The following GLRA3 variants were observed in gnomAD, a reference collection of about 807,000 sequenced individuals.
GLRA3 encodes glycine receptor alpha 3, also known as glycine receptor subunit alpha-3.
GLRA3 carries 44 observed loss-of-function variants against 60.4 expected under a neutral mutation model. The ratio of observed to expected loss-of-function variants is 0.73; its 90% confidence interval spans 0.57 to 0.94. GLRA3 has a LOEUF of 0.94. GLRA3 is among the 40% of genes least tolerant of loss of function. The pLI is 0.00. For missense variants in GLRA3, 508 were observed against 564.6 expected, an observed-to-expected ratio of 0.90 and a Z score of 1.02; for synonymous variants, 223 against 192.9, an observed-to-expected ratio of 1.16 and a Z score of -1.29.
chr4:174,779,225 G>T (rs917431281), intron 2 of GLRA3, among the ~76,000 whole-genome samples: 3 of 152,200 alleles, frequency 2.0e-5, no homozygotes, highest in African/African-American at 7.2e-5. Context: ...ACACGGCAGG[G>T]TACTCCAACA....
chr4:174,818,982 C>T (rs1740625014), intron 1 of GLRA3, among the ~76,000 whole-genome samples: 1 of 152,190 alleles, frequency 6.6e-6, no homozygotes. Flanking sequence ...TTTCATTACA[C>T]ACTTCCATCT....
chr4:174,716,903 A>C (rs183890143), intron 4 of GLRA3, among the ~76,000 whole-genome samples: 4 of 152,232 alleles, frequency 2.6e-5, no homozygotes, highest in African/African-American at 9.6e-5. Context: ...ATTAAATTAC[A>C]TATTAAGAAC....
In GLRA3 at chr4:174,665,395, A is replaced by T. The variant is rs182070251; in HGVS notation, c.928-6198T>A. Among the ~76,000 whole-genome samples the T allele has an allele frequency of 2.0e-5, 3 of 151,644 alleles. No individual in the cohort carries two copies. In the East Asian group the frequency reaches 5.9e-4, roughly 30 times the overall value. On this transcript the variant is annotated intron_variant, in intron 7 of 9. Coordinates refer to ENST00000274093, the MANE Select transcript of GLRA3 (RefSeq NM_006529.4). ...TAACGCATCTCAGCATCCCACTTCC[A>T]CTTTTTTCAAAGGTCACTCATTACA...
chr4:174,827,502 G>GA (rs1741024787), intron 1 of GLRA3, among the ~76,000 whole-genome samples: 1 of 151,438 alleles, frequency 6.6e-6, no homozygotes, highest in Non-Finnish European at 1.5e-5. Context: ...AATAATTTCA[G>GA]AAATATAAAA....
chr4:174,644,852 AAAATTT>A (rs1328953593), intron 9 of GLRA3, among the ~76,000 whole-genome samples: 2 of 141,080 alleles, frequency 1.4e-5, no homozygotes, highest in Non-Finnish European at 3.2e-5. Flanking sequence ...GGAATAAAGA[AAAATTT>A]AAATAAAAAA....
intron 3 of GLRA3, among the ~76,000 whole-genome samples, chr4:174,764,444 T>C (rs560650874): frequency 6.6e-6 from 1 of 152,168 alleles, no homozygotes; most frequent in East Asian, 1.9e-4. Context: ...TATTCATTAA[T>C]GATTACAGAT....
intron 8 of GLRA3, 67 bp downstream of exon 8, chr4:174,658,987 A>G: frequency 7.3e-7 from 1 of 1,370,610 alleles, no homozygotes; most frequent in Non-Finnish European, 1.0e-6. Flanking sequence ...CATCTCTATT[A>G]AATACAACAA....
At chr4:174,761,580 T>A (rs184276410) in intron 3 of GLRA3, among the ~76,000 whole-genome samples, 24 of 152,316 alleles carry the variant, frequency 1.6e-4, no homozygotes, top group Admixed American at 3.9e-4. Context: ...GTTCAATGTA[T>A]AAATATTGAT....
chr4:174,691,990 G>A lies in GLRA3; in HGVS notation c.575-9051C>T, dbSNP rs529652144. On this transcript the variant is annotated intron_variant, in intron 5 of 9. Coordinates refer to ENST00000274093, the MANE Select transcript of GLRA3 (RefSeq NM_006529.4). Reference sequence around the variant, plus strand: ...GCCCATCGTCTGAGATAAGGGGAGCGCCTCTGCCCCGCCGCCCCGTCTGGG... The same window carrying A: ...GCCCATCGTCTGAGATAAGGGGAGCACCTCTGCCCCGCCGCCCCGTCTGGG... 2.8e-3 allele frequency among the ~76,000 whole-genome samples: 431 copies of A among 151,782 alleles called. 1 individual carries two copies. Among genetic ancestry groups the A allele is most frequent in the Middle Eastern group, 6.8e-3 (2 of 292 alleles).
intron 4 of GLRA3, among the ~76,000 whole-genome samples, chr4:174,719,595 A>C (rs2111107596): frequency 6.6e-6 from 1 of 152,256 alleles, no homozygotes; most frequent in Non-Finnish European, 1.5e-5. Context: ...ATTATGAATG[A>C]TTTTCTAAGG....
chr4:174,725,832 A>G (rs1736300763), intron 4 of GLRA3, among the ~76,000 whole-genome samples: 1 of 152,158 alleles, frequency 6.6e-6, no homozygotes, highest in Non-Finnish European at 1.5e-5. Context: ...TTTTTCCAGA[A>G]TTATTGAACA....
intron 1 of GLRA3, among the ~76,000 whole-genome samples, chr4:174,798,307 G>C (rs376308043): frequency 6.6e-6 from 1 of 152,042 alleles, no homozygotes; most frequent in African/African-American, 2.4e-5. Context: ...AGAGTTATGG[G>C]CCCTTGTGAA....
intron 9 of GLRA3, among the ~76,000 whole-genome samples, chr4:174,644,836 A>T (rs1448336203): frequency 6.7e-6 from 1 of 150,018 alleles, no homozygotes; most frequent in East Asian, 2.0e-4. Flanking sequence ...ATGTTTGTAA[A>T]TGAAGGGAAT....
chr4:174,653,387 G>A (rs1045769450), intron 9 of GLRA3, among the ~76,000 whole-genome samples: 2 of 151,844 alleles, frequency 1.3e-5, no homozygotes, highest in African/African-American at 4.8e-5. Context: ...CTAAAATAAT[G>A]CAATTATAGA....
intron 1 of GLRA3, among the ~76,000 whole-genome samples, chr4:174,794,992 G>C (rs577045586): frequency 4.0e-4 from 61 of 151,472 alleles, no homozygotes; most frequent in African/African-American, 1.4e-3. Context: ...ATCATGCCTA[G>C]AATAGTCTCA....
chr4:174,803,827 AC>A (rs1456603517), intron 1 of GLRA3, among the ~76,000 whole-genome samples: 10 of 152,326 alleles, frequency 6.6e-5, no homozygotes, highest in African/African-American at 2.2e-4. Flanking sequence ...AAGACTGAGC[AC>A]CATAAAATTA....
In GLRA3 at chr4:174,813,499, A is replaced by G. The variant is rs1011893307; in HGVS notation, c.71+15242T>C. Among the ~76,000 whole-genome samples the G allele has an allele frequency of 2.0e-5, 3 of 152,156 alleles. No individual in the cohort carries two copies. The South Asian group carries it at 6.2e-4, about 32-fold the overall frequency. Reference sequence around the variant, plus strand: ...CACCACAGTACCAGAAATAACACAGACTTGGCTCTATTCTGTGTTGCCTCG... The same window carrying G: ...CACCACAGTACCAGAAATAACACAGGCTTGGCTCTATTCTGTGTTGCCTCG... On this transcript the variant is annotated intron_variant, in intron 1 of 9. Coordinates refer to ENST00000274093, the MANE Select transcript of GLRA3 (RefSeq NM_006529.4).
At chr4:174,698,999 C>CTTTT (rs35453287) in intron 5 of GLRA3, among the ~76,000 whole-genome samples, 1 of 143,836 alleles carries the variant, frequency 7.0e-6, no homozygotes, top group Non-Finnish European at 1.5e-5. Context: ...CTTATAATTA[C>CTTTT]TTTTTTTTTT....
intron 1 of GLRA3, among the ~76,000 whole-genome samples, chr4:174,803,170 A>T (rs1739894697): frequency 6.6e-6 from 1 of 152,098 alleles, no homozygotes; most frequent in Non-Finnish European, 1.5e-5. Flanking sequence ...ATTCATTTTG[A>T]CTAAGCTTTG....
Sources: gnomAD v4.1 joint callset for allele counts (sites outside exome capture counted in the v4.1 genomes callset) on GRCh38, gnomAD v4.1.1 for gene constraint, MANE v1.5 for transcripts, NCBI Gene and HGNC (gene_info 2026-07-23, HGNC 2026-07-21) for gene names.